Variants in PPM1A observed in about 807,000 individuals in gnomAD.
PPM1A encodes protein phosphatase 1A.
In PPM1A, 7 loss-of-function variants were observed where a neutral mutation model predicts 35.0. The observed-to-expected ratio is 0.20, with a 90% CI of 0.11 to 0.38. The LOEUF (loss-of-function observed/expected upper bound fraction) is 0.38. PPM1A is among the 10% of genes least tolerant of loss of function. The pLI is 1.00. For missense variants in PPM1A, 239 were observed against 467.8 expected (o/e 0.51, Z 4.51); for synonymous variants, 153 against 167.3 (o/e 0.91, Z 0.66).
At chr14:60,258,099 G>A (rs1464109599) in intron 1 of PPM1A, among the ~76,000 whole-genome samples, 1 of 151,902 alleles carries the variant, frequency 6.6e-6, no homozygotes, top group African/African-American at 2.4e-5. Flanking sequence ...CTGCGTAAAT[G>A]CTTCTTGATA....
chr14:60,253,884 G>C lies in PPM1A; in HGVS notation c.-21+4207G>C, dbSNP rs574458469. Among the ~76,000 whole-genome samples the C allele has an allele frequency of 2.7e-4, 41 of 152,252 alleles. 1 individual carries two copies. The South Asian group carries it at 8.5e-3, about 32-fold the overall frequency. ...GGACATGGTGATAAAACTAACCTTT[G>C]AAAGAAAGGACAGTTTGAGTCCCTG... On this transcript the variant is annotated intron_variant, in intron 1 of 5. Coordinates refer to ENST00000395076, the MANE Select transcript of PPM1A (RefSeq NM_021003.5).
intron 1 of PPM1A, among the ~76,000 whole-genome samples, chr14:60,275,237 G>A (rs1042465571): frequency 6.6e-6 from 1 of 151,070 alleles, no homozygotes; most frequent in Non-Finnish European, 1.5e-5. Context: ...TACACATTTA[G>A]ATTTTCATTA....
chr14:60,246,643 TTCTA>T (rs1405462410), upstream of PPM1A, among the ~76,000 whole-genome samples: 1 of 152,206 alleles, frequency 6.6e-6, no homozygotes, highest in South Asian at 2.1e-4. Flanking sequence ...TATTTTCCCC[TTCTA>T]TCTGTCCCCC....
Position 60,249,723 on chromosome 14 carries a change from G to T in PPM1A, c.-21+46G>T. The T allele has an allele frequency of 2.0e-6, 2 of 977,748 alleles. No individual in the cohort carries two copies. The highest frequency in any genetic ancestry group is 9.1e-5 in the South Asian group (2 of 21,932). 60.6% of individuals were successfully genotyped at this position (977,748 alleles called of 1,614,324 possible). A position where few individuals can be genotyped will look rare whatever the true frequency, so the allele number is the denominator to read the frequency against. On this transcript the variant is annotated intron_variant, in intron 1 of 5. Coordinates refer to ENST00000395076, the MANE Select transcript of PPM1A (RefSeq NM_021003.5). The surrounding 1 kb of genome is among the most constrained non-coding windows in gnomAD (Gnocchi z 4.5). ...GACGGCGGGCTGGCGGGCGGTGCGGGCCTGCGCGGCGGCGGCGGCGGGCAG... is the reference window on the plus strand; with the variant it reads ...GACGGCGGGCTGGCGGGCGGTGCGGTCCTGCGCGGCGGCGGCGGCGGGCAG...
chr14:60,251,359 G>T (rs990115101), intron 1 of PPM1A, among the ~76,000 whole-genome samples: 6 of 152,182 alleles, frequency 3.9e-5, no homozygotes, highest in Admixed American at 3.9e-4. Flanking sequence ...TCATCAAATT[G>T]CTTTTTATTT....
intron 1 of PPM1A, among the ~76,000 whole-genome samples, chr14:60,276,178 A>G (rs1055570891): frequency 1.3e-5 from 2 of 152,190 alleles, no homozygotes; most frequent in African/African-American, 4.8e-5. Flanking sequence ...TTAGTGAGCA[A>G]TGTAGAATAT....
intron 1 of PPM1A, chr14:60,250,440 A>G: frequency 1.0e-6 from 1 of 984,776 alleles, no homozygotes; most frequent in Non-Finnish European, 1.2e-6. Flanking sequence ...GCCTTCTACC[A>G]ACTGCAGTTT....
chr14:60,254,485 A>G (rs1185763472), intron 1 of PPM1A, among the ~76,000 whole-genome samples: 1 of 152,218 alleles, frequency 6.6e-6, no homozygotes, highest in Non-Finnish European at 1.5e-5. Flanking sequence ...GAGGAGTTAC[A>G]GTTTATGGTT....
At chr14:60,255,598 A>C (rs1034273162) in intron 1 of PPM1A, among the ~76,000 whole-genome samples, 1 of 152,242 alleles carries the variant, frequency 6.6e-6, no homozygotes, top group Non-Finnish European at 1.5e-5. Flanking sequence ...TGGATAGTAG[A>C]CATTCAGATA....
chr14:60,295,513 T>A lies in PPM1A; in HGVS notation c.*3031T>A, dbSNP rs1274801252. The A allele has an allele frequency of 6.6e-6, 1 of 151,760 alleles. No individual in the cohort carries two copies. The highest frequency in any genetic ancestry group is 2.4e-5 in the African/African-American group (1 of 41,404). 9.4% of individuals were successfully genotyped at this position (151,760 alleles called of 1,614,324 possible). On this transcript the variant is annotated 3_prime_UTR_variant, in exon 6 of 6. Coordinates refer to ENST00000395076, the MANE Select transcript of PPM1A (RefSeq NM_021003.5). ...TAAGAAATTTGGATTAAGTAATAAA[T>A]TAGTTATGTAATTCAAGTAATCTGA... is the stretch of plus-strand genomic sequence containing the variant.
At chr14:60,255,011 G>A (rs890584189) in intron 1 of PPM1A, among the ~76,000 whole-genome samples, 1 of 152,074 alleles carries the variant, frequency 6.6e-6, no homozygotes, top group Non-Finnish European at 1.5e-5. Flanking sequence ...TGGAATTTGT[G>A]TCTTTCCTTC....
rs1887382255 is a variant in PPM1A, at chr14:60,289,349, T to C, written c.953-457T>C. Reference sequence around the variant, plus strand: ...TAAAAATAATTGAGTTAGTATATAATCTATAAATTCCCCTATAATTAAGGG... The same window carrying C: ...TAAAAATAATTGAGTTAGTATATAACCTATAAATTCCCCTATAATTAAGGG... On this transcript the variant is annotated intron_variant, in intron 3 of 5. Transcript: ENST00000395076. This position sits in a 1 kb window ranked among gnomAD's most constrained non-coding sequence, Gnocchi z 4.1. Among the ~76,000 whole-genome samples, 1 of 152,128 alleles carries C rather than the reference T, an allele frequency of 6.6e-6. No homozygotes were observed. Among genetic ancestry groups the C allele is most frequent in the Non-Finnish European group, 1.5e-5 (1 of 67,988 alleles).
chr14:60,255,301 A>G (rs1477020651), intron 1 of PPM1A, among the ~76,000 whole-genome samples: 3 of 149,944 alleles, frequency 2.0e-5, no homozygotes, highest in Non-Finnish European at 4.4e-5. Context: ...CCTCCCGAGT[A>G]GCTGGGACTA....
Position 60,282,729 on chromosome 14 carries a change from A to G in PPM1A, c.26A>G (p.Lys9Arg), listed in dbSNP as rs781162933. Residue 9 changes from lysine (K) to arginine (R), a missense_variant, in exon 2 of 6, where the codon AAG becomes AGG. Around this residue, in one of 2 missense-constraint regions of PPM1A, gnomAD observed 175 missense variants for 389.2 expected, o/e 0.45. Coordinates refer to ENST00000395076, the MANE Select transcript of PPM1A (RefSeq NM_021003.5). The surrounding 1 kb of genome is among the most constrained non-coding windows in gnomAD (Gnocchi z 5.1). ...ATGGGAGCATTTTTAGACAAGCCAA[A>G]GATGGAAAAGCATAATGCCCAGGGG... MGAFLDKP[K>R]MEKHNAQGQG... 6.2e-7 allele frequency: 1 copy of G among 1,614,268 alleles called. No individual in the cohort carries two copies.
chr14:60,260,547 C>T (rs574508418), intron 1 of PPM1A, among the ~76,000 whole-genome samples: 6 of 152,118 alleles, frequency 3.9e-5, no homozygotes, highest in African/African-American at 9.6e-5. Flanking sequence ...ATTCACATAG[C>T]GTAACATTCA....
intron 3 of PPM1A, chr14:60,287,318 A>G: frequency 3.0e-6 from 3 of 984,124 alleles, no homozygotes; most frequent in Non-Finnish European, 3.6e-6. Flanking sequence ...TTGATACTCA[A>G]TATTTTTGAT....
At chr14:60,286,701 G>A in intron 3 of PPM1A, 2 of 983,886 alleles carry the variant, frequency 2.0e-6, no homozygotes, top group Non-Finnish European at 1.2e-6. Flanking sequence ...CCTTTTTACT[G>A]TTTGATACCA....
upstream of PPM1A, chr14:60,246,148 C>T: frequency 9.0e-7 from 1 of 1,109,852 alleles, no homozygotes; most frequent in Non-Finnish European, 1.3e-6. Context: ...GGGGTATTCT[C>T]AAATACTAGC....
rs1220371704 is a variant in PPM1A at position 60,292,472 on chromosome 14, A to G, written c.1139A>G (p.Asp380Gly). ...ACAAAGGACTCTACATCAACAGATG[A>G]TATGTGGTAAAACTGCTCATCTAGC... ...NDDTDSTSTD[D>G]MW Residue 380 changes from aspartate (D) to glycine (G), a missense_variant, in exon 6 of 6, where the codon GAT becomes GGT. Asp to Gly is a moderately conservative substitution (Grantham distance 94). Transcript: ENST00000395076. This position sits in a 1 kb window ranked among gnomAD's most constrained non-coding sequence, Gnocchi z 4.2. 3 of 1,602,982 alleles carry G rather than the reference A, an allele frequency of 1.9e-6. No homozygotes were observed. The highest frequency in any genetic ancestry group is 2.6e-6 in the Non-Finnish European group (3 of 1,170,954).
Sources: gnomAD v4.1 joint callset for allele counts (sites outside exome capture counted in the v4.1 genomes callset) on GRCh38, gnomAD v4.1.1 for gene constraint, gnomAD v4.1.1 regional missense constraint, Gnocchi (gnomAD v3.1) non-coding constraint, MANE v1.5 for transcripts, NCBI Gene and HGNC (gene_info 2026-07-23, HGNC 2026-07-21) for gene names.